CCDC38: variants seen among roughly 807,000 people sequenced by gnomAD.
The protein encoded by CCDC38 is coiled-coil domain containing 38, also known as coiled-coil domain-containing protein 38.
Under a neutral mutation model 72.8 loss-of-function variants are expected in CCDC38, and 69 were observed. That is an observed-to-expected ratio of 0.95 (90% CI 0.78 to 1.16). The LOEUF is 1.16. Ranked by LOEUF, CCDC38 falls within the 50% of genes most tolerant of loss-of-function variation. CCDC38 has a pLI of 0.00. For synonymous variants in CCDC38, 201 were observed against 213.2 expected, an observed-to-expected ratio of 0.94 and a Z score of 0.50; for missense variants, 626 against 638.9, an observed-to-expected ratio of 0.98 and a Z score of 0.22.
At position 95,888,892 on chromosome 12, in the gene CCDC38, C is replaced by T. The variant is rs533557681; in HGVS notation, c.872-386G>A. On this transcript the variant is annotated intron_variant, in intron 9 of 15. Coordinates refer to ENST00000344280, the MANE Select transcript of CCDC38 (RefSeq NM_182496.3). ...ACTATGTACTGTTTGTCTTTGTGTA[C>T]GTGGGGTCTTGAAGAGCACCTGAAA... Among the ~76,000 whole-genome samples the T allele has an allele frequency of 1.5e-4, 22 of 151,630 alleles. No individual in the cohort carries two copies. In the South Asian group the frequency reaches 2.5e-3, roughly 17 times the overall value.
At chr12:95,889,460 C>T (rs1359960511) in intron 9 of CCDC38, among the ~76,000 whole-genome samples, 1 of 152,124 alleles carries the variant, frequency 6.6e-6, no homozygotes, top group African/African-American at 2.4e-5. Flanking sequence ...ACCCCTGCCC[C>T]CACACCCTAC....
At chr12:95,881,706 G>T in intron 10 of CCDC38, 152 bp from the exon 11 acceptor site, 1 of 546,844 alleles carries the variant, frequency 1.8e-6, no homozygotes. Flanking sequence ...GCTGATTGCA[G>T]AAATCAATGG....
At chr12:95,885,538 G>A (rs2079749763) in intron 10 of CCDC38, 1 of 169,364 alleles carries the variant, frequency 5.9e-6, no homozygotes, top group South Asian at 1.8e-4. Context: ...AAGAAATGAT[G>A]TTGCTATATT....
In CCDC38 at chr12:95,936,540, A is replaced by T. The variant is rs1390254040; in HGVS notation, c.-14-17T>A. 2 of 1,608,552 alleles carry T rather than the reference A, an allele frequency of 1.2e-6. No homozygotes were observed. Among genetic ancestry groups the T allele is most frequent in the African/African-American group, 1.3e-5 (1 of 74,710 alleles). ...TGCCTGGCCCTGTTGAAAGAAAAAA[A>T]AATACGTTTTTTAAAAATTCTATGA... is the stretch of plus-strand genomic sequence containing the variant. On this transcript the variant is annotated splice_polypyrimidine_tract_variant and intron_variant, in intron 1 of 15. Transcript: ENST00000344280.
At chr12:95,919,271 G>C (rs1436675364) in intron 2 of CCDC38, among the ~76,000 whole-genome samples, 1 of 152,218 alleles carries the variant, frequency 6.6e-6, no homozygotes, top group African/African-American at 2.4e-5. Flanking sequence ...AATCTCAGGT[G>C]AGGTACAGAA....
Position 95,880,036 on chromosome 12 carries a change from A to C in CCDC38, c.991-241T>G, listed in dbSNP as rs1378441125. On this transcript the variant is annotated intron_variant, in intron 11 of 15. Transcript: ENST00000344280. Reference sequence around the variant, plus strand: ...AAAAGGGATGGGGAAGAAAAAAGGAAGAAGAGGGTGAGGAAAAGGAGACAG... The same window carrying C: ...AAAAGGGATGGGGAAGAAAAAAGGACGAAGAGGGTGAGGAAAAGGAGACAG... The C allele has an allele frequency of 2.5e-5, 7 of 285,162 alleles. No individual in the cohort carries two copies. In the Admixed American group the frequency reaches 2.5e-4, roughly 10 times the overall value. The allele number at this position is 285,162 out of a possible 1,614,324, so 17.7% of individuals were successfully genotyped here.
At chr12:95,930,317 C>T (rs540694046) in intron 2 of CCDC38, among the ~76,000 whole-genome samples, 27 of 152,272 alleles carry the variant, frequency 1.8e-4, no homozygotes, top group African/African-American at 6.5e-4. Context: ...TCTCACAGTT[C>T]TGGAGGCCAC....
rs2079798882 is a variant in CCDC38, at chr12:95,889,421, T to C, written c.872-915A>G. Among the ~76,000 whole-genome samples, 5 of 152,110 alleles carry C rather than the reference T, an allele frequency of 3.3e-5. No homozygotes were observed. In the South Asian group the frequency reaches 8.3e-4, roughly 25 times the overall value. On this transcript the variant is annotated intron_variant, in intron 9 of 15. Transcript: ENST00000344280. Reference sequence around the variant, plus strand: ...TCAAAATTTCAAAGAGAAGGGAACATTGACACCACCTCCCACTCCCTCTAC... The same window carrying C: ...TCAAAATTTCAAAGAGAAGGGAACACTGACACCACCTCCCACTCCCTCTAC...
intron 2 of CCDC38, chr12:95,933,188 A>ATAG (rs2080356354): frequency 1.3e-5 from 2 of 152,192 alleles, no homozygotes; most frequent in African/African-American, 2.4e-5. Flanking sequence ...GAAAATATTG[A>ATAG]TAAATTCAGC....
intron 4 of CCDC38, among the ~76,000 whole-genome samples, chr12:95,913,593 G>A (rs1420036160): frequency 6.6e-6 from 1 of 152,164 alleles, no homozygotes; most frequent in East Asian, 1.9e-4. Context: ...AAATTTAGGA[G>A]TGATTTATTA....
intron 2 of CCDC38, among the ~76,000 whole-genome samples, chr12:95,927,713 A>G (rs2080288040): frequency 6.6e-6 from 1 of 151,970 alleles, no homozygotes; most frequent in Non-Finnish European, 1.5e-5. Context: ...TTCCTTCAGG[A>G]GCTCTTGTAG....
chr12:95,891,576 C>T (rs1284882158), intron 8 of CCDC38, among the ~76,000 whole-genome samples: 4 of 152,014 alleles, frequency 2.6e-5, no homozygotes, highest in African/African-American at 2.4e-5. Context: ...TCCAACTCCT[C>T]GGCTCAAGCA....
chr12:95,919,958 A>G (rs2080186478), intron 2 of CCDC38, among the ~76,000 whole-genome samples: 2 of 152,246 alleles, frequency 1.3e-5, no homozygotes, highest in Non-Finnish European at 1.5e-5. Flanking sequence ...CAGAATTGCC[A>G]CATGACCTAG....
chr12:95,893,449 T>TC (rs2079852518), intron 8 of CCDC38, among the ~76,000 whole-genome samples: 1 of 111,030 alleles, frequency 9.0e-6, no homozygotes, highest in South Asian at 3.6e-4. Context: ...CTCCCTTCCT[T>TC]CCTTCTTTCC....
At position 95,931,498 on chromosome 12, in the gene CCDC38, T is replaced by C. The variant is rs1409210456; in HGVS notation, c.37+4975A>G. ...ATTATTCTGTCTCACACAGTCTCAC[T>C]CCTTTCCTAGACTTGCTCCTTACTG... On this transcript the variant is annotated intron_variant, in intron 2 of 15. Transcript: ENST00000344280. Among the ~76,000 whole-genome samples the C allele has an allele frequency of 2.6e-5, 4 of 152,224 alleles. No homozygotes were observed. The East Asian group carries it at 7.7e-4, about 29-fold the overall frequency.
intron 4 of CCDC38, among the ~76,000 whole-genome samples, chr12:95,915,925 A>G (rs1046548005): frequency 2.0e-5 from 3 of 152,354 alleles, no homozygotes; most frequent in African/African-American, 7.2e-5. Flanking sequence ...TCTCTGTTAA[A>G]TAGCAATGCT....
intron 2 of CCDC38, chr12:95,934,371 A>C (rs1166848147): frequency 6.6e-6 from 1 of 152,108 alleles, no homozygotes; most frequent in African/African-American, 2.4e-5. Context: ...TTAATCTTAA[A>C]AGAAGGCTAT....
chr12:95,938,408 T>G (rs1561094), intron 1 of CCDC38, among the ~76,000 whole-genome samples: 13,969 of 152,192 alleles, frequency 0.092, 1,158 homozygotes, highest in East Asian at 0.46. Context: ...GGTCCTTCTA[T>G]CTATCTAAAT....
At chr12:95,921,875 T>C (rs1167416501) in intron 2 of CCDC38, among the ~76,000 whole-genome samples, 1 of 152,052 alleles carries the variant, frequency 6.6e-6, no homozygotes, top group Admixed American at 6.6e-5. Flanking sequence ...GTGAAGAAAC[T>C]CAATGATTCT....
Sources: gnomAD v4.1 joint callset for allele counts (sites outside exome capture counted in the v4.1 genomes callset) on GRCh38, gnomAD v4.1.1 for gene constraint, MANE v1.5 for transcripts, NCBI Gene and HGNC (gene_info 2026-07-23, HGNC 2026-07-21) for gene names.